Variants in SOS1 observed in about 807,000 individuals in gnomAD.
SOS1 encodes son of sevenless homolog 1.
A neutral mutation model predicts 157.6 loss-of-function variants in SOS1; 25 were observed. The ratio of observed to expected loss-of-function variants is 0.16; its 90% CI spans 0.12 to 0.22. The LOEUF (loss-of-function observed/expected upper bound fraction) is 0.22. Among genes scored for constraint, SOS1 ranks in the 10% least tolerant of loss-of-function variants. The pLI, the probability that SOS1 is intolerant of heterozygous loss-of-function variation, is 1.00. For synonymous variants in SOS1, 528 were observed against 534.0 expected (o/e 0.99, Z 0.16); for missense variants, 1,237 against 1,599.1 (o/e 0.77, Z 3.86).
chr2:39,122,473 CAT>C (rs139650305), upstream of SOS1, among the ~76,000 whole-genome samples: 104 of 113,852 alleles, frequency 9.1e-4, no homozygotes, highest in African/African-American at 2.0e-3. Context: ...CACACACACA[CAT>C]ACACACAGAC....
intron 14 of SOS1, 79 bp downstream of exon 14, chr2:39,012,047 A>G (rs188342798): frequency 2.2e-5 from 23 of 1,062,248 alleles, no homozygotes; most frequent in East Asian, 9.6e-5. Context: ...TGAAAACCCT[A>G]TAAGGCAGAA....
chr2:38,985,896 G>A lies in SOS1; in HGVS notation c.3930C>T (p.Tyr1310=), dbSNP rs953088232. ...QHIPKLPPKT[Y]KREHTHPSMH... is the part of the protein sequence containing the mutation. ...TGGATGGGTGTGTGTGCTCCCTTTT[G>A]TAAGTTTTTGGAGGGAGTTTAGGGA... The change falls in exon 23 of 23, where the codon TAC becomes TAT. Residue 1310 remains tyrosine, a synonymous_variant. Coordinates refer to ENST00000402219, the MANE Select transcript of SOS1 (RefSeq NM_005633.4). 1.2e-5 allele frequency: 19 copies of A among 1,613,774 alleles called. No homozygotes were observed. Among genetic ancestry groups the A allele is most frequent in the Admixed American group, 1.7e-5 (1 of 59,974 alleles).
chr2:39,083,220 T>C (rs867788130), intron 1 of SOS1, among the ~76,000 whole-genome samples: 2 of 151,918 alleles, frequency 1.3e-5, no homozygotes, highest in Non-Finnish European at 2.9e-5. Context: ...ACACAGGTAA[T>C]AGAAATAGTA....
intron 20 of SOS1, chr2:38,993,621 T>C (rs1668798476): frequency 1.3e-5 from 2 of 152,224 alleles, no homozygotes; most frequent in African/African-American, 4.8e-5. Context: ...TTCTTCCAAC[T>C]GAGAGAATCT....
intron 1 of SOS1, among the ~76,000 whole-genome samples, chr2:39,094,389 T>C (rs1267688955): frequency 4.6e-5 from 7 of 152,178 alleles, no homozygotes; most frequent in Non-Finnish European, 8.8e-5. Context: ...AGCTCACGCC[T>C]GTAATCCCAG....
intron 1 of SOS1, among the ~76,000 whole-genome samples, chr2:39,113,627 C>T (rs1382234870): frequency 6.6e-6 from 1 of 152,158 alleles, no homozygotes; most frequent in African/African-American, 2.4e-5. Flanking sequence ...CCTTGATTTT[C>T]TCTCCTGTAA....
At position 39,066,288 on chromosome 2, in the gene SOS1, G is replaced by GAA. The variant is rs550234798; in HGVS notation, c.213+1338_213+1339dup. On this transcript the variant is annotated intron_variant, in intron 2 of 22. Coordinates refer to ENST00000402219, the MANE Select transcript of SOS1 (RefSeq NM_005633.4). The stretch of plus-strand genomic sequence containing the variant: ...TGTTCTCCTGCTATACATCCATGAG[G>GAA]AAACACCATTCAGTCCAACTATCTT... 1.1e-3 allele frequency among the ~76,000 whole-genome samples: 174 copies of GAA among 152,294 alleles called. 2 individuals carry two copies. Among genetic ancestry groups the GAA allele is most frequent in the African/African-American group, 3.8e-3 (158 of 41,568 alleles).
chr2:39,046,218 C>T (rs891370146), intron 6 of SOS1, among the ~76,000 whole-genome samples: 1 of 152,036 alleles, frequency 6.6e-6, no homozygotes, highest in South Asian at 2.1e-4. Context: ...CCTATCTGTA[C>T]ATTATAAGCT....
At chr2:39,011,500 A>G (rs890511868) in intron 14 of SOS1, among the ~76,000 whole-genome samples, 1 of 152,194 alleles carries the variant, frequency 6.6e-6, no homozygotes, top group African/African-American at 2.4e-5. Context: ...AATAGATTCT[A>G]ACACTGTAAT....
chr2:39,048,427 G>A (rs1670875557), intron 6 of SOS1, among the ~76,000 whole-genome samples: 1 of 151,468 alleles, frequency 6.6e-6, no homozygotes, highest in Non-Finnish European at 1.5e-5. Context: ...TTAAGACAGA[G>A]TCTTGCTCTG....
intron 1 of SOS1, among the ~76,000 whole-genome samples, chr2:39,112,102 AG>A (rs1217595225): frequency 6.6e-6 from 1 of 152,096 alleles, no homozygotes; most frequent in Non-Finnish European, 1.5e-5. Flanking sequence ...GAATCCATGG[AG>A]CCCTAATTTT....
At chr2:39,042,018 G>A (rs1670589309) in intron 6 of SOS1, among the ~76,000 whole-genome samples, 1 of 152,030 alleles carries the variant, frequency 6.6e-6, no homozygotes, top group Admixed American at 6.5e-5. Context: ...TCACATTTCA[G>A]GAGAAGTATC....
Position 39,008,348 on chromosome 2 carries a change from G to T in SOS1, c.2511-1155C>A, listed in dbSNP as rs545487644. 2.0e-5 allele frequency among the ~76,000 whole-genome samples: 3 copies of T among 152,262 alleles called. No homozygotes were observed. In the East Asian group the frequency reaches 5.8e-4, roughly 29 times the overall value. On this transcript the variant is annotated intron_variant, in intron 15 of 22. Transcript: ENST00000402219. ...GCTCAACCAAGCACTTAGCTCCTAG[G>T]GCAGAAGTGTCACTCAGAGAAAAGC...
intron 1 of SOS1, among the ~76,000 whole-genome samples, chr2:39,102,496 A>C (rs1673007111): frequency 8.4e-6 from 1 of 118,524 alleles, no homozygotes; most frequent in African/African-American, 3.3e-5. Flanking sequence ...ATACTACTGC[A>C]CTCCAGCCTG....
chr2:39,015,438 T>C (rs986772836), intron 10 of SOS1, among the ~76,000 whole-genome samples: 8 of 152,098 alleles, frequency 5.3e-5, no homozygotes, highest in Non-Finnish European at 1.2e-4. Context: ...TTAAATGTGA[T>C]AGAATATGTT....
intron 1 of SOS1, among the ~76,000 whole-genome samples, chr2:39,068,436 C>T (rs939959028): frequency 2.0e-5 from 3 of 152,128 alleles, no homozygotes; most frequent in Non-Finnish European, 2.9e-5. Flanking sequence ...CTCCTATGGG[C>T]CTCTGACTGT....
chr2:39,103,270 A>C (rs1195225802), intron 1 of SOS1, among the ~76,000 whole-genome samples: 1 of 152,172 alleles, frequency 6.6e-6, no homozygotes, highest in Non-Finnish European at 1.5e-5. Context: ...TCTCTATCAA[A>C]ATTCCAAAAT....
intron 14 of SOS1, among the ~76,000 whole-genome samples, chr2:39,011,922 C>T (rs1310432016): frequency 1.3e-5 from 2 of 152,032 alleles, no homozygotes; most frequent in Non-Finnish European, 2.9e-5. Flanking sequence ...TAGGGGTGAA[C>T]ACAGAAAGAC....
Position 38,986,135 on chromosome 2 carries a change from G to T in SOS1, c.3691C>A (p.Leu1231Ile). The stretch of plus-strand genomic sequence containing the variant: ...CCCAAAGGGGGAGGTTGGAGATGTA[G>T]TGGTGAGCTTGAGAAAACATCAGGT... ...RTPDVFSSSP[L>I]HLQPPPLGKK... Residue 1231 changes from leucine (L) to isoleucine (I), a missense_variant, in exon 23 of 23, where the codon CTA becomes ATA. Leu to Ile is a conservative substitution (Grantham distance 5, BLOSUM62 2). Coordinates refer to ENST00000402219, the MANE Select transcript of SOS1 (RefSeq NM_005633.4). 3.1e-6 allele frequency: 5 copies of T among 1,613,876 alleles called. No individual in the cohort carries two copies. Among genetic ancestry groups the T allele is most frequent in the Non-Finnish European group, 4.2e-6 (5 of 1,179,890 alleles).
Sources: allele counts gnomAD v4.1 joint callset (sites outside exome capture counted in the v4.1 genomes callset), GRCh38; gene constraint gnomAD v4.1.1; transcripts MANE v1.5; gene names NCBI Gene and HGNC (gene_info 2026-07-23, HGNC 2026-07-21).